HIP1: variants seen among roughly 807,000 people sequenced by gnomAD.
HIP1 encodes the protein huntingtin interacting protein 1, also known as huntingtin-interacting protein 1.
HIP1 carries 65 observed loss-of-function variants against 147.6 expected under a neutral mutation model. The ratio of observed to expected loss-of-function variants is 0.44; its 90% CI spans 0.36 to 0.54. HIP1 has a LOEUF of 0.54. Ranked by LOEUF, HIP1 falls within the 20% of genes least tolerant of loss-of-function variation. The pLI is 0.00. For missense variants in HIP1, 1,061 were observed against 1,299.6 expected (o/e 0.82, Z 2.82); for synonymous variants, 479 against 504.0 (o/e 0.95, Z 0.67).
At chr7:75,641,013 T>G (rs1471125011) in intron 1 of HIP1, among the ~76,000 whole-genome samples, 1 of 151,132 alleles carries the variant, frequency 6.6e-6, no homozygotes, top group Non-Finnish European at 1.5e-5. Context: ...CATCAAGATA[T>G]AAGAAATAAT....
chr7:75,569,538 G>A lies in HIP1; in HGVS notation c.746-1282C>T, dbSNP rs587737705. 5.3e-5 allele frequency among the ~76,000 whole-genome samples: 8 copies of A among 152,248 alleles called. No individual in the cohort carries two copies. The East Asian group carries it at 1.4e-3, about 26-fold the overall frequency. ...GTGGGAGGATCTTTTAAGCCCAGGA[G>A]TTTGAGGCTGCAGTGAGCTACAATC... On this transcript the variant is annotated intron_variant, in intron 8 of 30. Coordinates refer to ENST00000336926, the MANE Select transcript of HIP1 (RefSeq NM_005338.7).
chr7:75,657,821 G>A lies in HIP1; in HGVS notation c.121-58574C>T, dbSNP rs368367840. Among the ~76,000 whole-genome samples the A allele has an allele frequency of 3.9e-5, 6 of 152,054 alleles. No homozygotes were observed. The East Asian group carries it at 1.2e-3, about 29-fold the overall frequency. On this transcript the variant is annotated intron_variant, in intron 1 of 30. Transcript: ENST00000336926. ...TATATGGGCGATGGGATCATTTGAA[G>A]CCCAAACCTTAGCATCACACAATAT...
intron 1 of HIP1, among the ~76,000 whole-genome samples, chr7:75,731,542 G>A (rs997092919): frequency 2.7e-5 from 4 of 149,722 alleles, no homozygotes; most frequent in Admixed American, 6.7e-5. Context: ...TGGGGTTCAC[G>A]AGCAGCTCTC....
chr7:75,558,561 T>C (rs1464144412), intron 14 of HIP1, among the ~76,000 whole-genome samples: 1 of 152,210 alleles, frequency 6.6e-6, no homozygotes, highest in Non-Finnish European at 1.5e-5. Context: ...ACTCCTGGGC[T>C]CAGGTGATCC....
intron 1 of HIP1, among the ~76,000 whole-genome samples, chr7:75,607,840 G>A (rs6963510): frequency 0.14 from 21,794 of 151,966 alleles, 3,100 homozygotes; most frequent in African/African-American, 0.37. Flanking sequence ...TCACAACCTC[G>A]GCACTAGACA....
At chr7:75,539,690 G>A (rs1256002494) in intron 29 of HIP1, among the ~76,000 whole-genome samples, 4 of 152,160 alleles carry the variant, frequency 2.6e-5, no homozygotes, top group South Asian at 4.1e-4. Flanking sequence ...ATTATTCACC[G>A]TTTCCATACT....
chr7:75,618,031 T>A (rs1317054118), intron 1 of HIP1, among the ~76,000 whole-genome samples: 1 of 152,232 alleles, frequency 6.6e-6, no homozygotes, highest in Non-Finnish European at 1.5e-5. Flanking sequence ...GCCTTCCGGA[T>A]AGGCAGCTTG....
intron 1 of HIP1, among the ~76,000 whole-genome samples, chr7:75,616,048 T>C (rs1479915430): frequency 8.4e-6 from 1 of 119,072 alleles, no homozygotes; most frequent in Non-Finnish European, 1.6e-5. Context: ...ATCACACCAC[T>C]GCACTCCAGC....
At chr7:75,599,321 G>A in intron 1 of HIP1, 74 bp from the exon 2 acceptor site, 1 of 1,174,518 alleles carries the variant, frequency 8.5e-7, no homozygotes, top group South Asian at 1.2e-5. Context: ...GACCCTCCCA[G>A]ATGCCCGCCC....
At chr7:75,564,932 G>A (rs587706367) in intron 9 of HIP1, among the ~76,000 whole-genome samples, 185 of 151,878 alleles carry the variant, frequency 1.2e-3, no homozygotes, top group African/African-American at 4.4e-3. Context: ...GTCTTGCTGT[G>A]TCACCCAGGC....
chr7:75,591,313 G>A (rs142001850), intron 4 of HIP1, among the ~76,000 whole-genome samples: 15 of 152,120 alleles, frequency 9.9e-5, no homozygotes, highest in South Asian at 8.3e-4. Flanking sequence ...GATTACAGGC[G>A]TGAGCCACTG....
At position 75,641,868 on chromosome 7, in the gene HIP1, C is replaced by G. The variant is rs116919867; in HGVS notation, c.121-42621G>C. 4.0e-3 allele frequency among the ~76,000 whole-genome samples: 614 copies of G among 152,354 alleles called. 1 individual carries two copies. The highest frequency in any genetic ancestry group is 6.5e-3 in the Non-Finnish European group (441 of 68,040). On this transcript the variant is annotated intron_variant, in intron 1 of 30. Transcript: ENST00000336926. ...ACTGAGCTGGTTAAGCTGGAAACTT[C>G]AAAGGCAGCCTTAATTCCTCCAGCA...
intron 4 of HIP1, among the ~76,000 whole-genome samples, chr7:75,591,394 T>A (rs1796496802): frequency 6.6e-6 from 1 of 152,042 alleles, no homozygotes; most frequent in African/African-American, 2.4e-5. Context: ...GACATCAGAA[T>A]CTGGGGTGAT....
chr7:75,544,589 TCTAACTCAGCCAAGTACTGC>T, intron 27 of HIP1, 86 bp downstream of exon 27: 1 of 737,596 alleles, frequency 1.4e-6, no homozygotes, highest in Non-Finnish European at 2.5e-6. Flanking sequence ...CCAAGTACTC[TCTAACTCAGCCAAGTACTGC>T]CTAACGCAGC....
rs143841940 is a variant in HIP1, at chr7:75,685,617, C to T, written c.120+53184G>A. On this transcript the variant is annotated intron_variant, in intron 1 of 30. Coordinates refer to ENST00000336926, the MANE Select transcript of HIP1 (RefSeq NM_005338.7). ...AGGCTGGAGTGCAATGGTGCAATCT[C>T]AGCTCATTGCAGCCTCCAACTCCTG... 9.4e-3 allele frequency among the ~76,000 whole-genome samples: 1,435 copies of T among 152,328 alleles called. 15 individuals are homozygous for T. The highest frequency in any genetic ancestry group is 0.045 in the South Asian group (217 of 4,826).
chr7:75,723,133 C>A (rs782748145), intron 1 of HIP1, among the ~76,000 whole-genome samples: 1 of 151,972 alleles, frequency 6.6e-6, no homozygotes, highest in African/African-American at 2.4e-5. Context: ...ATTGGGAGGC[C>A]GAGGTGGGCA....
chr7:75,727,149 C>G (rs1359726687), intron 1 of HIP1, among the ~76,000 whole-genome samples: 1 of 152,030 alleles, frequency 6.6e-6, no homozygotes, highest in Admixed American at 6.6e-5. Flanking sequence ...CTCACTGTGT[C>G]ACCCAGGCTG....
rs974522107 is a variant in HIP1, at chr7:75,536,559, G to C, written c.*1613C>G. 8.7e-6 allele frequency: 2 copies of C among 230,818 alleles called. No homozygotes were observed. The allele number at this position is 230,818 out of a possible 1,614,324, so 14.3% of individuals were successfully genotyped here. On this transcript the variant is annotated 3_prime_UTR_variant, in exon 31 of 31. Coordinates refer to ENST00000336926, the MANE Select transcript of HIP1 (RefSeq NM_005338.7). ...TAAATGCTGGGGTCCATCTAGAAGAGGAAAAGTGCTGTTGGGCTGCCCATC... is the reference window on the plus strand; with the variant it reads ...TAAATGCTGGGGTCCATCTAGAAGACGAAAAGTGCTGTTGGGCTGCCCATC...
intron 1 of HIP1, among the ~76,000 whole-genome samples, chr7:75,725,823 C>CTTT (rs1554522293): frequency 4.5e-5 from 4 of 88,406 alleles, no homozygotes; most frequent in Non-Finnish European, 2.3e-5. Context: ...ATGTGCTATG[C>CTTT]ATTTTTTTTT....
Sources: allele counts gnomAD v4.1 joint callset (sites outside exome capture counted in the v4.1 genomes callset), GRCh38; gene constraint gnomAD v4.1.1; transcripts MANE v1.5; gene names NCBI Gene and HGNC (gene_info 2026-07-23, HGNC 2026-07-21).